The following MYO16 variants were observed in gnomAD, a reference collection of about 807,000 sequenced individuals.
MYO16 encodes the protein myosin XVI.
MYO16 carries 94 observed loss-of-function variants against 205.3 expected under a neutral mutation model. That is an observed-to-expected ratio of 0.46 (90% confidence interval 0.39 to 0.54). The LOEUF (loss-of-function observed/expected upper bound fraction) is 0.54. Ranked by LOEUF, MYO16 falls within the 20% of genes least tolerant of loss-of-function variation. The pLI is 0.00. For missense variants in MYO16, 2,315 were observed against 2,387.5 expected (o/e 0.97, Z 0.63); for synonymous variants, 988 against 954.0 (o/e 1.04, Z -0.66).
At chr13:108,829,905 A>G (rs1368531238) in intron 9 of MYO16, among the ~76,000 whole-genome samples, 1 of 151,444 alleles carries the variant, frequency 6.6e-6, no homozygotes, top group Non-Finnish European at 1.5e-5. Flanking sequence ...ACTCAAACAA[A>G]TTTACAAGAA....
intron 6 of MYO16, among the ~76,000 whole-genome samples, chr13:108,802,289 CT>C (rs1272249843): frequency 6.6e-6 from 1 of 152,148 alleles, no homozygotes; most frequent in Non-Finnish European, 1.5e-5. Context: ...CTTCTCTCTA[CT>C]TTTATGAGTT....
At chr13:108,609,261 G>T (rs527677817) in intron 1 of MYO16, among the ~76,000 whole-genome samples, 16 of 152,286 alleles carry the variant, frequency 1.1e-4, no homozygotes, top group African/African-American at 3.6e-4. Flanking sequence ...AGCTGGGGCT[G>T]CAGGCTTTGC....
intron 4 of MYO16, among the ~76,000 whole-genome samples, chr13:108,746,804 A>G (rs1243408605): frequency 6.6e-6 from 1 of 151,964 alleles, no homozygotes; most frequent in African/African-American, 2.4e-5. Flanking sequence ...CAGGCAAGAT[A>G]AACATAAAAA....
At chr13:108,809,884 A>G in intron 7 of MYO16, among the ~76,000 whole-genome samples, 1 of 152,118 alleles carries the variant, frequency 6.6e-6, no homozygotes, top group East Asian at 1.9e-4. Flanking sequence ...TTCTTTTTCC[A>G]CAGAGCCCAA....
intron 23 of MYO16, among the ~76,000 whole-genome samples, chr13:109,046,360 T>C (rs1345808566): frequency 5.9e-5 from 9 of 152,218 alleles, no homozygotes; most frequent in Admixed American, 5.9e-4. Flanking sequence ...CCTCTACTAG[T>C]AGGCTGATAA....
At chr13:108,519,626 TAC>T in the MYO16 span, among the ~76,000 whole-genome samples, 458 of 108,332 alleles carry the variant, frequency 4.2e-3, 7 homozygotes, top group South Asian at 0.034. Context: ...ATATGCAAAA[TAC>T]ACACACACAC....
At chr13:108,926,166 C>T (rs571416830) in intron 16 of MYO16, among the ~76,000 whole-genome samples, 19 of 152,302 alleles carry the variant, frequency 1.2e-4, no homozygotes, top group Admixed American at 6.5e-4. Flanking sequence ...AATACACTGA[C>T]GTGTTTCAGC....
chr13:109,137,690 A>T (rs1876844552), intron 31 of MYO16, among the ~76,000 whole-genome samples: 1 of 152,048 alleles, frequency 6.6e-6, no homozygotes, highest in East Asian at 1.9e-4. Flanking sequence ...CATTTGAATG[A>T]TTCCCATTGT....
intron 21 of MYO16, among the ~76,000 whole-genome samples, chr13:108,995,609 G>A (rs1884977406): frequency 6.6e-6 from 1 of 151,752 alleles, no homozygotes; most frequent in Non-Finnish European, 1.5e-5. Flanking sequence ...TCCACAACAG[G>A]CCCTGGTGTG....
intron 20 of MYO16, 78 bp from the exon 21 acceptor site, chr13:108,992,298 C>A: frequency 1.9e-6 from 2 of 1,030,764 alleles, no homozygotes; most frequent in Non-Finnish European, 1.4e-6. Context: ...CTGGATTCTT[C>A]TGACCTGAAT....
chr13:108,656,019 C>G (rs935554917), intron 1 of MYO16, among the ~76,000 whole-genome samples: 1 of 152,134 alleles, frequency 6.6e-6, no homozygotes, highest in Admixed American at 6.5e-5. Context: ...TGGGTTAATG[C>G]TGAAATGAAT....
intron 15 of MYO16, among the ~76,000 whole-genome samples, chr13:108,901,469 C>T (rs566745568): frequency 1.1e-4 from 16 of 152,134 alleles, no homozygotes; most frequent in Non-Finnish European, 1.5e-4. Flanking sequence ...CGTGAAATAT[C>T]GGGGGTGAAT....
rs1449741496 is a variant in MYO16 at position 109,049,139 on chromosome 13, C to A, written c.2872+2148C>A. Among the ~76,000 whole-genome samples the A allele has an allele frequency of 2.8e-5, 4 of 141,048 alleles. No individual in the cohort carries two copies. The East Asian group carries it at 8.4e-4, about 30-fold the overall frequency. The allele number at this position is 141,048 out of a possible 152,430, so 92.5% of individuals were successfully genotyped here. A position where few individuals can be genotyped will look rare whatever the true frequency, so the allele number is the denominator to read the frequency against. ...TACACTTGCTTATAAGTTAGGTTAT[C>A]CCTCTTTACAGGTAGAAAGACCTTG... On this transcript the variant is annotated intron_variant, in intron 24 of 34. Transcript: ENST00000457511.
At chr13:108,891,536 A>G (rs371163577) in intron 14 of MYO16, among the ~76,000 whole-genome samples, 7 of 152,212 alleles carry the variant, frequency 4.6e-5, no homozygotes, top group African/African-American at 9.7e-5. Flanking sequence ...CATATGTGCT[A>G]TATCATTGCC....
chr13:108,755,482 A>G (rs1469876493), intron 4 of MYO16, among the ~76,000 whole-genome samples: 1 of 151,928 alleles, frequency 6.6e-6, no homozygotes, highest in Non-Finnish European at 1.5e-5. Flanking sequence ...ACATCATTTT[A>G]TCTTAACTTT....
chr13:108,836,065 C>T (rs4771614), intron 9 of MYO16, among the ~76,000 whole-genome samples: 47,511 of 151,974 alleles, frequency 0.31, 8,135 homozygotes, highest in East Asian at 0.78. Flanking sequence ...CAGCCCCTCT[C>T]ATCACAGGCC....
At chr13:108,925,634 T>G (rs1470835042) in intron 16 of MYO16, among the ~76,000 whole-genome samples, 5 of 152,268 alleles carry the variant, frequency 3.3e-5, no homozygotes, top group African/African-American at 1.2e-4. Context: ...GGAATGTTAT[T>G]CTTGGCTCTC....
At chr13:108,496,053 G>A in the MYO16 span, among the ~76,000 whole-genome samples, 1 of 152,118 alleles carries the variant, frequency 6.6e-6, no homozygotes, top group South Asian at 2.1e-4. Context: ...CGCCGGGAGG[G>A]TGCCCCGGGT....
chr13:108,543,319 T>C, the MYO16 span, among the ~76,000 whole-genome samples: 6 of 152,264 alleles, frequency 3.9e-5, no homozygotes, highest in Admixed American at 2.0e-4. Context: ...AAGGATAATA[T>C]ACCTTCATGA....
Sources: allele counts gnomAD v4.1 joint callset (sites outside exome capture counted in the v4.1 genomes callset), GRCh38; gene constraint gnomAD v4.1.1; transcripts MANE v1.5; gene names NCBI Gene and HGNC (gene_info 2026-07-23, HGNC 2026-07-21).